Variants in IST1 observed in about 807,000 individuals in gnomAD.
The protein encoded by IST1 is IST1 homolog.
A neutral mutation model predicts 37.0 loss-of-function variants in IST1; 23 were observed. The observed-to-expected ratio is 0.62, with a 90% confidence interval of 0.45 to 0.88. The LOEUF is 0.88. IST1 is among the 40% of genes least tolerant of loss of function. The pLI, the probability that IST1 is intolerant of heterozygous loss-of-function variation, is 0.00. For synonymous variants in IST1, 180 were observed against 161.7 expected, an observed-to-expected ratio of 1.11 and a Z score of -0.86; for missense variants, 488 against 445.4, an observed-to-expected ratio of 1.10 and a Z score of -0.86.
intron 5 of IST1, chr16:71,921,065 G>A: frequency 1.6e-6 from 1 of 606,440 alleles, no homozygotes; most frequent in South Asian, 1.9e-5. Flanking sequence ...ATTTGTGAAG[G>A]TTGGAAGTGA....
intron 1 of IST1, among the ~76,000 whole-genome samples, chr16:71,910,841 C>T (rs1322079281): frequency 6.6e-6 from 1 of 152,062 alleles, no homozygotes; most frequent in Non-Finnish European, 1.5e-5. Context: ...AATACTGAGG[C>T]TTCCCTTCAG....
intron 4 of IST1, among the ~76,000 whole-genome samples, chr16:71,917,643 C>G (rs182180797): frequency 6.6e-6 from 1 of 152,272 alleles, no homozygotes; most frequent in African/African-American, 2.4e-5. Context: ...GTACTGACTC[C>G]TAGGATACAA....
In IST1 at chr16:71,930,250, T is replaced by C. The variant is rs1454613911; in HGVS notation, c.*2437T>C. ...GTTTATACTTTACAAACATAAGCTATATGCTAGTGTTTGGGATCTTATCAG... is the reference window on the plus strand; with the variant it reads ...GTTTATACTTTACAAACATAAGCTACATGCTAGTGTTTGGGATCTTATCAG... On this transcript the variant is annotated 3_prime_UTR_variant, in exon 10 of 10. Coordinates refer to ENST00000378799, the MANE Select transcript of IST1 (RefSeq NM_001270975.2). 2.1e-6 allele frequency: 3 copies of C among 1,405,696 alleles called. No homozygotes were observed. The highest frequency in any genetic ancestry group is 2.8e-6 in the Non-Finnish European group (3 of 1,062,176). The allele number at this position is 1,405,696 out of a possible 1,614,324, so 87.1% of individuals were successfully genotyped here.
At chr16:71,896,188 G>T (rs2036966864) in intron 1 of IST1, among the ~76,000 whole-genome samples, 1 of 152,068 alleles carries the variant, frequency 6.6e-6, no homozygotes, top group African/African-American at 2.4e-5. Flanking sequence ...TGTAGTGAGA[G>T]GTCTTGGAAG....
chr16:71,899,642 G>A (rs1005534963), intron 1 of IST1, among the ~76,000 whole-genome samples: 1 of 152,188 alleles, frequency 6.6e-6, no homozygotes, highest in Non-Finnish European at 1.5e-5. Context: ...CTGGGAGGCC[G>A]AGGCGGGTGG....
intron 1 of IST1, among the ~76,000 whole-genome samples, chr16:71,900,330 T>C: frequency 1.1e-5 from 1 of 91,592 alleles, no homozygotes; most frequent in African/African-American, 3.1e-5. Flanking sequence ...AGGAAGTCTT[T>C]TTTTTTTTTT....
At position 71,928,688 on chromosome 16, in the gene IST1, G is replaced by GTT; in HGVS notation, c.*876_*877insTT. On this transcript the variant is annotated 3_prime_UTR_variant, in exon 10 of 10. Coordinates refer to ENST00000378799, the MANE Select transcript of IST1 (RefSeq NM_001270975.2). ...CTGGAAAGCCTACAGGAAAAGAGGG[G>GTT]TACCTGTTTTCATTTGAAAACTTTG... is the stretch of plus-strand genomic sequence containing the variant. 6.6e-6 allele frequency: 1 copy of GTT among 152,540 alleles called. No individual in the cohort carries two copies. The highest frequency in any genetic ancestry group is 1.5e-5 in the Non-Finnish European group (1 of 68,020). The allele number at this position is 152,540 out of a possible 1,614,324, so 9.4% of individuals were successfully genotyped here.
chr16:71,924,723 AG>A, intron 8 of IST1, 45 bp from the exon 9 acceptor site: 4 of 1,442,454 alleles, frequency 2.8e-6, no homozygotes, highest in African/African-American at 1.4e-5. Flanking sequence ...TACTTTCTCC[AG>A]TGACACTATT....
intron 4 of IST1, among the ~76,000 whole-genome samples, chr16:71,920,072 A>C (rs1442824741): frequency 6.6e-6 from 1 of 152,174 alleles, no homozygotes; most frequent in Non-Finnish European, 1.5e-5. Context: ...ACTGGACCTC[A>C]CAGTCTGGGC....
intron 1 of IST1, among the ~76,000 whole-genome samples, chr16:71,912,867 G>A (rs1251627478): frequency 6.6e-6 from 1 of 152,078 alleles, no homozygotes; most frequent in Non-Finnish European, 1.5e-5. Flanking sequence ...TTCGTGACTG[G>A]CTTATTTCAC....
chr16:71,903,464 C>G (rs551132687), intron 1 of IST1: 1 of 152,112 alleles, frequency 6.6e-6, no homozygotes, highest in East Asian at 1.9e-4. Flanking sequence ...TTGTTGAATT[C>G]CCAAATGTTA....
chr16:71,919,786 T>G (rs2037539836), intron 4 of IST1, among the ~76,000 whole-genome samples: 1 of 152,212 alleles, frequency 6.6e-6, no homozygotes, highest in South Asian at 2.1e-4. Context: ...TAGAAGCTGG[T>G]GATAGCATGG....
intron 1 of IST1, among the ~76,000 whole-genome samples, chr16:71,906,700 A>T (rs923769744): frequency 2.6e-5 from 4 of 152,046 alleles, no homozygotes; most frequent in Non-Finnish European, 4.4e-5. Context: ...TTTTTGAGGG[A>T]TATTTTCCCT....
Position 71,929,447 on chromosome 16 carries a change from AAAC to A in IST1, c.*1637_*1639del, listed in dbSNP as rs2037838085. The stretch of plus-strand genomic sequence containing the variant: ...TTTGATTCCTAACTTACAGAATTAA[AAAC>A]AAAGTATATTATAATTTTAAAGCTA... On this transcript the variant is annotated 3_prime_UTR_variant, in exon 10 of 10. Coordinates refer to ENST00000378799, the MANE Select transcript of IST1 (RefSeq NM_001270975.2). 2 of 1,290,516 alleles carry A rather than the reference AAAC, an allele frequency of 1.5e-6. No individual in the cohort carries two copies. Among genetic ancestry groups the A allele is most frequent in the Non-Finnish European group, 2.1e-6 (2 of 964,102 alleles). The allele number at this position is 1,290,516 out of a possible 1,614,324, so 79.9% of individuals were successfully genotyped here. A position where few individuals can be genotyped will look rare whatever the true frequency, so the allele number is the denominator to read the frequency against.
chr16:71,915,827 AT>A (rs973257648), intron 2 of IST1, 99 bp downstream of exon 2: 924 of 692,642 alleles, frequency 1.3e-3, no homozygotes, highest in East Asian at 1.5e-3. Flanking sequence ...TAGGGATCAT[AT>A]TTTTTTTTGT....
intron 1 of IST1, among the ~76,000 whole-genome samples, chr16:71,912,612 G>A (rs1230961527): frequency 6.6e-6 from 1 of 152,182 alleles, no homozygotes. Flanking sequence ...TAACTGTGGT[G>A]AAGAACACAT....
In IST1 at chr16:71,928,724, C is replaced by T. The variant is rs759157759; in HGVS notation, c.*911C>T. The T allele has an allele frequency of 6.6e-6, 1 of 152,424 alleles. No homozygotes were observed. The highest frequency in any genetic ancestry group is 1.5e-5 in the Non-Finnish European group (1 of 68,028). The allele number at this position is 152,424 out of a possible 1,614,324, so 9.4% of individuals were successfully genotyped here. The stretch of plus-strand genomic sequence containing the variant: ...CATTTGAAAACTTTGATTCATGGAA[C>T]CTTTAAAACTAATCTCAGAAAAATT... On this transcript the variant is annotated 3_prime_UTR_variant, in exon 10 of 10. Coordinates refer to ENST00000378799, the MANE Select transcript of IST1 (RefSeq NM_001270975.2).
chr16:71,924,769 G>T lies in IST1; in HGVS notation c.853G>T (p.Val285Leu), dbSNP rs748608419. 1 of 1,606,510 alleles carries T rather than the reference G, an allele frequency of 6.2e-7. No homozygotes were observed. The change falls in exon 9 of 10, where the codon GTA becomes TTA. Residue 285 changes from valine to leucine, a missense_variant and splice_region_variant. Coordinates refer to ENST00000378799, the MANE Select transcript of IST1 (RefSeq NM_001270975.2). ...TCTGGTAACAATCTTTGTGTTTCAG[G>T]TAGATGACATTAATGCTGATAAGAA... ...IPATPPSYES[V>L]DDINADKNIS... is the part of the protein sequence containing the mutation.
intron 1 of IST1, among the ~76,000 whole-genome samples, chr16:71,911,438 C>CT (rs1567466046): frequency 2.6e-5 from 4 of 151,786 alleles, no homozygotes; most frequent in Admixed American, 2.6e-4. Context: ...GAGGCTGAGG[C>CT]AAGAGAATTG....
Sources: allele counts gnomAD v4.1 joint callset (sites outside exome capture counted in the v4.1 genomes callset), GRCh38; gene constraint gnomAD v4.1.1; transcripts MANE v1.5; gene names NCBI Gene and HGNC (gene_info 2026-07-23, HGNC 2026-07-21).